GLIS3: variants seen among roughly 807,000 people sequenced by gnomAD.
The protein encoded by GLIS3 is zinc finger protein GLIS3.
GLIS3 carries 53 observed loss-of-function variants against 78.6 expected under a neutral mutation model. The observed-to-expected ratio is 0.67, with a 90% CI of 0.54 to 0.85. The LOEUF is 0.85. Among genes scored for constraint, GLIS3 ranks in the 40% least tolerant of loss-of-function variants. The pLI is 0.00. For synonymous variants in GLIS3, 684 were observed against 509.9 expected (o/e 1.34, Z -4.60); for missense variants, 1,703 against 1,231.1 (o/e 1.38, Z -5.74).
chr9:4,025,362 C>T (rs190552725), intron 4 of GLIS3, among the ~76,000 whole-genome samples: 28 of 152,134 alleles, frequency 1.8e-4, no homozygotes, highest in East Asian at 5.8e-4. Context: ...ATATATACAA[C>T]GCTTTGACCC....
At chr9:4,415,461 G>C in the GLIS3 span, among the ~76,000 whole-genome samples, 1 of 152,200 alleles carries the variant, frequency 6.6e-6, no homozygotes, top group African/African-American at 2.4e-5. Context: ...TAAACAGATG[G>C]ATGTTAGTCA....
intron 4 of GLIS3, among the ~76,000 whole-genome samples, chr9:4,015,384 G>T (rs1326384983): frequency 6.6e-6 from 1 of 152,124 alleles, no homozygotes. Flanking sequence ...ATGTTAATGA[G>T]ATGTTACCTG....
chr9:4,083,923 T>C lies in GLIS3; in HGVS notation c.1710+33845A>G, dbSNP rs570670737. On this transcript the variant is annotated intron_variant, in intron 4 of 10. Coordinates refer to ENST00000381971, the MANE Select transcript of GLIS3 (RefSeq NM_001042413.2). ...AGCCAACGCATGTAGAAATCATCTC[T>C]AGAGAAAGAAACTGCCTCTGTTTAA... 5.3e-5 allele frequency among the ~76,000 whole-genome samples: 8 copies of C among 152,278 alleles called. No homozygotes were observed. The South Asian group carries it at 1.5e-3, about 28-fold the overall frequency.
At chr9:4,213,247 T>C (rs1048019374) in intron 2 of GLIS3, among the ~76,000 whole-genome samples, 5 of 152,192 alleles carry the variant, frequency 3.3e-5, no homozygotes, top group Non-Finnish European at 5.9e-5. Flanking sequence ...CGAAACCCTA[T>C]GCATCTTTGT....
intron 9 of GLIS3, among the ~76,000 whole-genome samples, chr9:3,838,286 C>T (rs1818482563): frequency 6.6e-6 from 1 of 152,118 alleles, no homozygotes; most frequent in African/African-American, 2.4e-5. Context: ...AATTAAAATA[C>T]AGCCCTTTTA....
chr9:4,050,457 GT>G (rs1660629742), intron 4 of GLIS3, among the ~76,000 whole-genome samples: 1 of 152,048 alleles, frequency 6.6e-6, no homozygotes, highest in Non-Finnish European at 1.5e-5. Context: ...GTGGGTGGGG[GT>G]CTGGGGGAGG....
the GLIS3 span, among the ~76,000 whole-genome samples, chr9:4,390,132 T>C: frequency 5.3e-5 from 8 of 152,232 alleles, no homozygotes; most frequent in Non-Finnish European, 1.2e-4. Flanking sequence ...TATAGATGCC[T>C]GAAAGATCAT....
At chr9:4,365,070 G>C in the GLIS3 span, among the ~76,000 whole-genome samples, 1 of 152,130 alleles carries the variant, frequency 6.6e-6, no homozygotes, top group African/African-American at 2.4e-5. Flanking sequence ...TTGTAAGACA[G>C]AAATTTCTTT....
At chr9:4,143,550 G>A (rs1055545412) in intron 2 of GLIS3, among the ~76,000 whole-genome samples, 2 of 148,002 alleles carry the variant, frequency 1.4e-5, no homozygotes, top group African/African-American at 5.0e-5. Flanking sequence ...CTGGGCGACA[G>A]AGCAAGACTG....
the GLIS3 span, among the ~76,000 whole-genome samples, chr9:4,388,567 G>A: frequency 4.6e-5 from 7 of 151,814 alleles, no homozygotes; most frequent in African/African-American, 1.2e-4. Context: ...TCCCAGCTAC[G>A]CAGGAGGCTG....
At chr9:4,333,046 A>C (rs1386239121) in intron 2 of GLIS3, among the ~76,000 whole-genome samples, 4 of 152,214 alleles carry the variant, frequency 2.6e-5, no homozygotes, top group Non-Finnish European at 5.9e-5. Context: ...CAATCTTCAG[A>C]ACAACCTTAT....
intron 2 of GLIS3, among the ~76,000 whole-genome samples, chr9:4,236,019 C>T (rs1822700162): frequency 6.6e-6 from 1 of 151,906 alleles, no homozygotes; most frequent in African/African-American, 2.4e-5. Flanking sequence ...CTTTTGCACA[C>T]AACACTCTAC....
the GLIS3 span, among the ~76,000 whole-genome samples, chr9:4,466,735 G>C: frequency 3.3e-5 from 5 of 152,188 alleles, no homozygotes; most frequent in East Asian, 9.6e-4. Flanking sequence ...GAAGATGGGT[G>C]ATTTCTGCAT....
At chr9:3,957,801 T>C (rs1272290317) in intron 4 of GLIS3, among the ~76,000 whole-genome samples, 1 of 152,116 alleles carries the variant, frequency 6.6e-6, no homozygotes, top group African/African-American at 2.4e-5. Context: ...AATTAAGCAT[T>C]TATATCATCT....
the GLIS3 span, among the ~76,000 whole-genome samples, chr9:4,458,301 G>A: frequency 3.9e-5 from 6 of 152,174 alleles, no homozygotes; most frequent in Non-Finnish European, 8.8e-5. Flanking sequence ...AGGCACTGGG[G>A]ACACAGTAGT....
At chr9:3,961,760 G>C (rs920966898) in intron 4 of GLIS3, among the ~76,000 whole-genome samples, 2 of 152,192 alleles carry the variant, frequency 1.3e-5, no homozygotes, top group Non-Finnish European at 2.9e-5. Context: ...AAAAAGTTGA[G>C]GGGATCTTCG....
chr9:3,857,764 G>C (rs780355486), intron 8 of GLIS3, among the ~76,000 whole-genome samples: 3 of 152,180 alleles, frequency 2.0e-5, no homozygotes, highest in Non-Finnish European at 2.9e-5. Context: ...ACCCTGAAAA[G>C]ATCTGCTGAA....
chr9:4,423,177 AAAC>A, the GLIS3 span, among the ~76,000 whole-genome samples: 30 of 152,204 alleles, frequency 2.0e-4, no homozygotes, highest in African/African-American at 5.8e-4. Flanking sequence ...TCTGCCTTTT[AAAC>A]AACAAGTGCC....
intron 1 of GLIS3, chr9:4,298,626 C>A: frequency 4.5e-6 from 1 of 222,680 alleles, no homozygotes. Context: ...CGCAGGACAA[C>A]GTCTCCGAGA....
Sources: gnomAD v4.1 joint callset for allele counts (sites outside exome capture counted in the v4.1 genomes callset) on GRCh38, gnomAD v4.1.1 for gene constraint, MANE v1.5 for transcripts, NCBI Gene and HGNC (gene_info 2026-07-23, HGNC 2026-07-21) for gene names.